UACA: variants seen among roughly 807,000 people sequenced by gnomAD.
The protein encoded by UACA is uveal autoantigen with coiled-coil domains and ankyrin repeats, also known as nuclear membrane binding protein.
A neutral mutation model predicts 160.5 loss-of-function variants in UACA; 112 were observed. The ratio of observed to expected loss-of-function variants is 0.70; its 90% CI spans 0.60 to 0.82. The LOEUF is 0.82. Among genes scored for constraint, UACA ranks in the 40% least tolerant of loss-of-function variants. The pLI is 0.00. For missense variants in UACA, 1,574 were observed against 1,614.6 expected (o/e 0.97, Z 0.43); for synonymous variants, 557 against 568.4 (o/e 0.98, Z 0.29).
chr15:70,752,528 C>T (rs2030147413), intron 1 of UACA, among the ~76,000 whole-genome samples: 1 of 152,040 alleles, frequency 6.6e-6, no homozygotes, highest in African/African-American at 2.4e-5. Flanking sequence ...TCTCTCTCCC[C>T]TCCCCCCCAC....
intron 1 of UACA, among the ~76,000 whole-genome samples, chr15:70,753,212 AAT>A (rs2030199197): frequency 6.6e-6 from 1 of 152,200 alleles, no homozygotes; most frequent in South Asian, 2.1e-4. Flanking sequence ...TAAAACAAGA[AAT>A]GAACGCAGCC....
At chr15:70,702,731 C>A (rs1898409440) in intron 1 of UACA, among the ~76,000 whole-genome samples, 1 of 152,150 alleles carries the variant, frequency 6.6e-6, no homozygotes, top group Non-Finnish European at 1.5e-5. Context: ...AAATTTTCTC[C>A]ATTTTATTTT....
At chr15:70,772,123 G>A in the UACA span, among the ~76,000 whole-genome samples, 1 of 152,156 alleles carries the variant, frequency 6.6e-6, no homozygotes, top group Non-Finnish European at 1.5e-5. Flanking sequence ...GAGCAGGACT[G>A]GGATATAGTC....
At chr15:70,713,700 T>C (rs2140981683) in intron 1 of UACA, among the ~76,000 whole-genome samples, 1 of 152,324 alleles carries the variant, frequency 6.6e-6, no homozygotes, top group Middle Eastern at 3.4e-3. Flanking sequence ...TCTACAAAAA[T>C]AACTCATCCT....
intron 1 of UACA, 79 bp downstream of exon 1, chr15:70,763,251 G>T: frequency 7.9e-7 from 1 of 1,273,848 alleles, no homozygotes; most frequent in South Asian, 2.4e-5. Flanking sequence ...AGAGGAAGGC[G>T]GCGCGCGAAC....
Position 70,656,811 on chromosome 15 carries a change from C to A in UACA, c.*245G>T. The A allele has an allele frequency of 2.8e-6, 1 of 362,248 alleles. No individual in the cohort carries two copies. The highest frequency in any genetic ancestry group is 5.0e-6 in the Non-Finnish European group (1 of 201,124). 22.4% of individuals were successfully genotyped at this position (362,248 alleles called of 1,614,324 possible). A position where few individuals can be genotyped will look rare whatever the true frequency, so the allele number is the denominator to read the frequency against. ...ACTTGAAGGTTTAAAAATATGTAGT[C>A]AATCCAGGGCAAAGTTATGTTGTTT... On this transcript the variant is annotated 3_prime_UTR_variant, in exon 19 of 19. Coordinates refer to ENST00000322954, the MANE Select transcript of UACA (RefSeq NM_018003.4).
the UACA span, among the ~76,000 whole-genome samples, chr15:70,771,661 A>G: frequency 6.6e-6 from 1 of 152,236 alleles, no homozygotes; most frequent in Non-Finnish European, 1.5e-5. Context: ...GTAATGTGCT[A>G]GAGAACAAAG....
chr15:70,739,539 TA>T (rs1347985567), intron 1 of UACA, among the ~76,000 whole-genome samples: 1 of 152,158 alleles, frequency 6.6e-6, no homozygotes, highest in Non-Finnish European at 1.5e-5. Flanking sequence ...ATAATTGCTT[TA>T]AAAGGCTGTT....
chr15:70,717,048 CCCG>C (rs1595907238), intron 1 of UACA, among the ~76,000 whole-genome samples: 2 of 152,214 alleles, frequency 1.3e-5, no homozygotes, highest in East Asian at 3.9e-4. Context: ...ATGGAGAAAT[CCCG>C]TCTCTATCAA....
chr15:70,672,594 C>CT (rs1897174060), intron 13 of UACA, among the ~76,000 whole-genome samples: 1 of 152,136 alleles, frequency 6.6e-6, no homozygotes, highest in Admixed American at 6.5e-5. Context: ...TCAAAATATA[C>CT]TGGGTTGTTC....
chr15:70,717,169 C>T (rs889329962), intron 1 of UACA, among the ~76,000 whole-genome samples: 10 of 151,494 alleles, frequency 6.6e-5, no homozygotes, highest in Admixed American at 5.3e-4. Context: ...TGCGGTGAGC[C>T]GAGATCACAC....
chr15:70,706,942 C>T (rs1423709927), intron 1 of UACA, among the ~76,000 whole-genome samples: 3 of 152,154 alleles, frequency 2.0e-5, no homozygotes, highest in Admixed American at 6.5e-5. Flanking sequence ...AAAAGTAAAT[C>T]CTAACATTCA....
At chr15:70,756,646 G>A (rs770167416) in intron 1 of UACA, among the ~76,000 whole-genome samples, 3 of 152,192 alleles carry the variant, frequency 2.0e-5, no homozygotes, top group Non-Finnish European at 2.9e-5. Flanking sequence ...GCCAAGGCAG[G>A]TGGATCACCT....
chr15:70,756,109 A>G (rs1424643155), intron 1 of UACA, among the ~76,000 whole-genome samples: 3 of 152,182 alleles, frequency 2.0e-5, no homozygotes, highest in Admixed American at 6.5e-5. Context: ...CAGAAATTTT[A>G]GGACATACGC....
rs1174334195 is a variant in UACA at position 70,668,090 on chromosome 15, T to C, written c.2594A>G (p.His865Arg). Reference sequence around the variant, plus strand: ...ATTCAGTGTCATTTTAACCTCTTCATGGGTTTTAACTGGCACATACTGATT... The same window carrying C: ...ATTCAGTGTCATTTTAACCTCTTCACGGGTTTTAACTGGCACATACTGATT... Reference protein sequence around the residue: ...MSNQYVPVKTHEEVKMTLNDT... With the variant: ...MSNQYVPVKTREEVKMTLNDT... Residue 865 changes from histidine to arginine, a missense_variant, in exon 16 of 19, where the codon CAT (histidine) becomes CGT (arginine). Transcript: ENST00000322954. 3.1e-6 allele frequency: 5 copies of C among 1,613,578 alleles called. No individual in the cohort carries two copies. In the African/African-American group the frequency reaches 5.3e-5, roughly 17 times the overall value.
At chr15:70,747,067 T>C (rs1283021269) in intron 1 of UACA, among the ~76,000 whole-genome samples, 1 of 152,082 alleles carries the variant, frequency 6.6e-6, no homozygotes, top group Non-Finnish European at 1.5e-5. Flanking sequence ...ACTATGCACA[T>C]GTATACCTGT....
chr15:70,744,588 C>G (rs1001589422), intron 1 of UACA, among the ~76,000 whole-genome samples: 1 of 152,168 alleles, frequency 6.6e-6, no homozygotes, highest in African/African-American at 2.4e-5. Flanking sequence ...AAGGCTGACA[C>G]TTGATCAAAG....
Position 70,656,240 on chromosome 15 carries a change from A to G in UACA, c.*816T>C, listed in dbSNP as rs138733397. ...TATATAATGAGTGCTTGGTTACTAT[A>G]GTAGCGAATGTCAAACTAATTGCTA... On this transcript the variant is annotated 3_prime_UTR_variant, in exon 19 of 19. Transcript: ENST00000322954. 4 of 152,304 alleles carry G rather than the reference A, an allele frequency of 2.6e-5. No homozygotes were observed. In the East Asian group the frequency reaches 7.7e-4, roughly 29 times the overall value. The allele number at this position is 152,304 out of a possible 1,614,324, so 9.4% of individuals were successfully genotyped here.
chr15:70,706,515 T>G (rs1313739538), intron 1 of UACA, among the ~76,000 whole-genome samples: 3 of 139,974 alleles, frequency 2.1e-5, no homozygotes, highest in South Asian at 2.2e-4. Context: ...ATGATCTTAT[T>G]TGTTAAAAAA....
Sources: allele counts gnomAD v4.1 joint callset (sites outside exome capture counted in the v4.1 genomes callset), GRCh38; gene constraint gnomAD v4.1.1; transcripts MANE v1.5; gene names NCBI Gene and HGNC (gene_info 2026-07-23, HGNC 2026-07-21).